Variants in PSG7 observed in about 807,000 individuals in gnomAD.
PSG7 encodes the protein pregnancy-specific beta-1-glycoprotein 7.
Under a neutral mutation model 45.6 loss-of-function variants are expected in PSG7, and 57 were observed. The observed-to-expected ratio is 1.25, with a 90% CI of 1.01 to 1.56. The LOEUF (loss-of-function observed/expected upper bound fraction) is 1.56, where lower values mean the gene tolerates loss of function less well. Ranked by LOEUF, PSG7 falls within the 40% of genes most tolerant of loss-of-function variation. The pLI is 0.00. For missense variants in PSG7, 796 were observed against 508.4 expected, an observed-to-expected ratio of 1.57 and a Z score of -5.44; for synonymous variants, 298 against 194.4, an observed-to-expected ratio of 1.53 and a Z score of -4.43.
In PSG7 at chr19:42,925,785, C is replaced by T; in HGVS notation, c.1231G>A (p.Val411Ile). 6.2e-7 allele frequency: 1 copy of T among 1,612,058 alleles called. No individual in the cohort carries two copies. The highest frequency in any genetic ancestry group is 1.1e-5 in the South Asian group (1 of 90,618). The change falls in exon 5 of 6, where the codon GTC becomes ATC. Residue 411 changes from valine (V) to isoleucine (I), a missense_variant. By Grantham distance (29) the Val-to-Ile change is conservative (BLOSUM62 3). Transcript: ENST00000406070. ...GGGATCCACTTACCAGAGACTCTGA[C>T]TGTCACGGATTTGGAGCTTTCCTTG... ...TGKESSKSVT[V>I]RVSDWTLP is the part of the protein sequence containing the mutation.
intron 2 of PSG7, among the ~76,000 whole-genome samples, chr19:42,931,845 G>A (rs1302150936): frequency 6.6e-6 from 1 of 151,284 alleles, no homozygotes; most frequent in Admixed American, 6.6e-5. Flanking sequence ...AATTGCTATT[G>A]TCAAAACAAA....
rs1473129754 is a variant in PSG7 at position 42,933,292 on chromosome 19, TATATATATA to T, written c.430+2103_430+2111del. 2.2e-3 allele frequency among the ~76,000 whole-genome samples: 30 copies of T among 13,402 alleles called. 2 individuals carry two copies. Among genetic ancestry groups the T allele is most frequent in the African/African-American group, 4.6e-3 (26 of 5,698 alleles). 8.8% of individuals were successfully genotyped at this position (13,402 alleles called of 152,430 possible). A position where few individuals can be genotyped will look rare whatever the true frequency, so the allele number is the denominator to read the frequency against. On this transcript the variant is annotated intron_variant, in intron 2 of 5. Coordinates refer to ENST00000406070, the MANE Select transcript of PSG7 (RefSeq NM_002783.3). The stretch of plus-strand genomic sequence containing the variant: ...ATATATATATATATATATATATATA[TATATATATA>T]TATATATTTTTTTTTTTTTTTGGTG...
At position 42,926,590 on chromosome 19, in the gene PSG7, C is replaced by T; in HGVS notation, c.836G>A (p.Ser279Asn). The change falls in exon 4 of 6, where the codon AGC becomes AAC. Residue 279 changes from serine (S) to asparagine (N), a missense_variant. By Grantham distance (46) the Ser-to-Asn change is conservative. Coordinates refer to ENST00000406070, the MANE Select transcript of PSG7 (RefSeq NM_002783.3). Reference protein sequence around the residue: ...YTYIWWLNGQSLPVSPRVKRR... With the variant: ...YTYIWWLNGQNLPVSPRVKRR... ...CTTTACCCTGGGACTGACCGGGAGG[C>T]TCTGACCATTTAGCCACCAAATGTA... The T allele has an allele frequency of 6.2e-7, 1 of 1,610,280 alleles. No individual in the cohort carries two copies. The highest frequency in any genetic ancestry group is 8.5e-7 in the Non-Finnish European group (1 of 1,179,030).
intron 1 of PSG7, chr19:42,936,117 G>C (rs1441928427): frequency 2.3e-5 from 6 of 261,064 alleles, no homozygotes; most frequent in Non-Finnish European, 2.9e-5. Context: ...GGCATCCTTA[G>C]ACTTCTTTCC....
In PSG7 at chr19:42,928,471, G is replaced by C. The variant is rs539494287; in HGVS notation, c.709+971C>G. Among the ~76,000 whole-genome samples the C allele has an allele frequency of 2.2e-4, 34 of 151,656 alleles. 1 individual carries two copies. Among genetic ancestry groups the C allele is most frequent in the Admixed American group, 1.2e-3 (18 of 15,176 alleles). ...TCTTTAATTTGTTTCAGGAAGGTTT[G>C]TAGTTTTCAGGGTATAATCATTTGA... On this transcript the variant is annotated intron_variant, in intron 3 of 5. Coordinates refer to ENST00000406070, the MANE Select transcript of PSG7 (RefSeq NM_002783.3).
chr19:42,925,422 G>C (rs1600560491), intron 5 of PSG7: 2 of 506,352 alleles, frequency 3.9e-6, no homozygotes, highest in East Asian at 8.6e-5. Context: ...CTATAAGCTA[G>C]AGATAGATTA....
intron 3 of PSG7, chr19:42,929,222 T>G (rs1038692020): frequency 9.2e-7 from 1 of 1,086,572 alleles, no homozygotes; most frequent in African/African-American, 1.6e-5. Flanking sequence ...TCACAAGCTG[T>G]GGACCCTGAG....
At chr19:42,932,336 C>T (rs55833677) in intron 2 of PSG7, among the ~76,000 whole-genome samples, 5,316 of 151,500 alleles carry the variant, frequency 0.035, 203 homozygotes, top group Non-Finnish European at 0.054. Context: ...GGGATTTTAA[C>T]GAGTTGTTGA....
chr19:42,927,386 C>G (rs1232275060), intron 3 of PSG7: 2 of 154,148 alleles, frequency 1.3e-5, no homozygotes, highest in Non-Finnish European at 2.9e-5. Context: ...AAGGAATGAT[C>G]TAGAAAGAGT....
At chr19:42,926,972 T>G in intron 3 of PSG7, 1 of 683,506 alleles carries the variant, frequency 1.5e-6, no homozygotes, top group Non-Finnish European at 2.3e-6. Context: ...TGGACAGACA[T>G]GTCAGTGGGA....
intron 3 of PSG7, 82 bp from the exon 4 acceptor site, chr19:42,926,798 T>G: frequency 6.4e-7 from 1 of 1,570,352 alleles, no homozygotes; most frequent in South Asian, 1.2e-5. Context: ...AGTTGGCATC[T>G]CCCACCTGTC....
chr19:42,929,346 T>C, intron 3 of PSG7, 96 bp downstream of exon 3: 3 of 1,604,224 alleles, frequency 1.9e-6, no homozygotes, highest in Non-Finnish European at 2.6e-6. Flanking sequence ...GGTAAAGGTC[T>C]ACATACTTGG....
Position 42,933,691 on chromosome 19 carries a change from G to A in PSG7, c.430+1713C>T, listed in dbSNP as rs62110916. Among the ~76,000 whole-genome samples the A allele has an allele frequency of 8.3e-4, 125 of 151,058 alleles. 6 individuals carry two copies. The highest frequency in any genetic ancestry group is 1.5e-3 in the Non-Finnish European group (105 of 67,742). Reference sequence around the variant, plus strand: ...GACAGGGCTTGCCAGTCAGAATGAAGTGGGAGGAAGATGAGGGACACAGAG... The same window carrying A: ...GACAGGGCTTGCCAGTCAGAATGAAATGGGAGGAAGATGAGGGACACAGAG... On this transcript the variant is annotated intron_variant, in intron 2 of 5. Transcript: ENST00000406070.
Position 42,933,071 on chromosome 19 carries a change from C to T in PSG7, c.430+2333G>A, listed in dbSNP as rs1241594817. ...AGATTCAAGCACTAACAGATCATTT[C>T]CCTCTGCCCACATGATTCCATCACC... On this transcript the variant is annotated intron_variant, in intron 2 of 5. Coordinates refer to ENST00000406070, the MANE Select transcript of PSG7 (RefSeq NM_002783.3). Among the ~76,000 whole-genome samples the T allele has an allele frequency of 2.0e-5, 3 of 149,166 alleles. No individual in the cohort carries two copies. The East Asian group carries it at 6.0e-4, about 30-fold the overall frequency.
In PSG7 at chr19:42,926,633, T is replaced by G; in HGVS notation, c.793A>C (p.Lys265Gln). 1 of 1,610,224 alleles carries G rather than the reference T, an allele frequency of 6.2e-7. No individual in the cohort carries two copies. Among genetic ancestry groups the G allele is most frequent in the Non-Finnish European group, 8.5e-7 (1 of 1,179,000 alleles). Residue 265 changes from lysine to glutamine, a missense_variant, in exon 4 of 6, where the codon AAG becomes CAG. Physicochemically the swap from Lys to Gln is moderately conservative, Grantham distance 53. Coordinates refer to ENST00000406070, the MANE Select transcript of PSG7 (RefSeq NM_002783.3). ...CAAATGTAGGTGTAGTTCTCACTCT[T>G]AGGTTCACAGGTGAAGGTTGAGACA... ...KDVSTFTCEP[K>Q]SENYTYIWWL...
At chr19:42,932,153 A>C (rs1024343282) in intron 2 of PSG7, among the ~76,000 whole-genome samples, 2 of 151,246 alleles carry the variant, frequency 1.3e-5, no homozygotes, top group African/African-American at 2.4e-5. Flanking sequence ...CCTCCCGAGT[A>C]GCTGGGACTA....
chr19:42,936,622 C>G (rs1220342889), intron 1 of PSG7: 2 of 208,348 alleles, frequency 9.6e-6, no homozygotes, highest in Non-Finnish European at 1.9e-5. Context: ...CAGGCTCCAA[C>G]AGAGCCTTCT....
chr19:42,926,799 C>A, intron 3 of PSG7, 83 bp from the exon 4 acceptor site: 1 of 1,569,830 alleles, frequency 6.4e-7, no homozygotes, highest in Non-Finnish European at 8.7e-7. Context: ...GTTGGCATCT[C>A]CCACCTGTCA....
intron 1 of PSG7, 48 bp downstream of exon 1, chr19:42,936,965 T>C (rs764886453): frequency 6.2e-7 from 1 of 1,603,810 alleles, no homozygotes; most frequent in South Asian, 1.1e-5. Flanking sequence ...CCCCATCCAG[T>C]CACTCTGCTT....
Sources: allele counts gnomAD v4.1 joint callset (sites outside exome capture counted in the v4.1 genomes callset), GRCh38; gene constraint gnomAD v4.1.1; transcripts MANE v1.5; gene names NCBI Gene and HGNC (gene_info 2026-07-23, HGNC 2026-07-21).